The following WNK3 variants were observed in gnomAD, a reference collection of about 807,000 sequenced individuals.
WNK3 encodes serine/threonine-protein kinase WNK3.
In WNK3, 18 loss-of-function variants were observed where a neutral mutation model predicts 116.7. The observed-to-expected ratio is 0.15, with a 90% CI of 0.11 to 0.23. The LOEUF is 0.23. WNK3 is among the 10% of genes least tolerant of loss of function. WNK3 has a pLI of 1.00. For synonymous variants in WNK3, 404 were observed against 469.4 expected, an observed-to-expected ratio of 0.86 and a Z score of 1.80; for missense variants, 993 against 1,323.8, an observed-to-expected ratio of 0.75 and a Z score of 3.88.
chrX:54,358,270 T>C (rs1557179744), upstream of WNK3, among the ~76,000 whole-genome samples: 1 of 110,137 alleles, frequency 9.1e-6, no homozygotes, highest in South Asian at 3.9e-4. Flanking sequence ...AAAGAGAAAA[T>C]CTCTTAGAGG....
intron 10 of WNK3, among the ~76,000 whole-genome samples, chrX:54,273,363 C>T (rs1195416645): frequency 1.8e-5 from 2 of 111,329 alleles, no homozygotes; most frequent in Non-Finnish European, 3.8e-5. Flanking sequence ...GAGGCCGAGG[C>T]GGGTAGATCA....
chrX:54,290,444 G>A (rs782736855), intron 10 of WNK3, among the ~76,000 whole-genome samples: 5 of 111,344 alleles, frequency 4.5e-5, no homozygotes, highest in Admixed American at 9.6e-5. Context: ...GGACTTTCCC[G>A]GACATACTGA....
At chrX:54,237,679 C>T (rs2067978534) in intron 19 of WNK3, 128 bp from the exon 20 acceptor site, 2 of 625,494 alleles carry the variant, frequency 3.2e-6, no homozygotes, top group Non-Finnish European at 4.5e-6. Context: ...CTCTTTCAAT[C>T]AGGCCCCTTG....
intron 5 of WNK3, among the ~76,000 whole-genome samples, chrX:54,302,770 T>TTTTA (rs2068780766): frequency 1.3e-5 from 1 of 78,364 alleles, no homozygotes; most frequent in African/African-American, 4.7e-5. Context: ...TTTTTTTTTT[T>TTTTA]TTTTATTTTT....
At chrX:54,233,461 G>A (rs1219727784) in intron 20 of WNK3, among the ~76,000 whole-genome samples, 1 of 92,337 alleles carries the variant, frequency 1.1e-5, no homozygotes, top group Non-Finnish European at 2.1e-5. Flanking sequence ...AAGAAAGAGA[G>A]AGCGAGAGAG....
chrX:54,210,499 C>T lies in WNK3; in HGVS notation c.4871-8306G>A, dbSNP rs371687907. Among the ~76,000 whole-genome samples the T allele has an allele frequency of 7.2e-5, 8 of 111,164 alleles. No homozygotes were observed. In the East Asian group the frequency reaches 8.5e-4, roughly 12 times the overall value. On this transcript the variant is annotated intron_variant, in intron 22 of 23. Coordinates refer to ENST00000354646, the Ensembl canonical transcript of WNK3. ...AAGATTTGCCAGGCACAGTGGCACA[C>T]GCCTATAGTCCTGGCTACTTGGGAG... is the stretch of plus-strand genomic sequence containing the variant.
At chrX:54,260,106 C>T (rs1557156396) in intron 10 of WNK3, among the ~76,000 whole-genome samples, 1 of 111,662 alleles carries the variant, frequency 9.0e-6, no homozygotes, top group African/African-American at 3.2e-5. Flanking sequence ...CCACGCTAAA[C>T]TGTAGCTCCT....
chrX:54,198,602 G>C, exon 24 of WNK3: 1 of 1,209,145 alleles, frequency 8.3e-7, no homozygotes, highest in South Asian at 1.8e-5. Context: ...CCACGGATTT[G>C]GGACAGAGAA....
intron 23 of WNK3, among the ~76,000 whole-genome samples, chrX:54,199,252 G>T (rs782683620): frequency 4.1e-4 from 45 of 110,458 alleles, no homozygotes; most frequent in Non-Finnish European, 7.0e-4. Context: ...ATGGGAGCCA[G>T]AAACCTAGCC....
chrX:54,270,562 C>T (rs2068370824), intron 10 of WNK3, among the ~76,000 whole-genome samples: 1 of 109,196 alleles, frequency 9.2e-6, no homozygotes, highest in South Asian at 4.0e-4. Context: ...TGCCACCACA[C>T]CTGGCTAATT....
intron 3 of WNK3, among the ~76,000 whole-genome samples, chrX:54,309,673 C>G (rs2068864336): frequency 1.8e-5 from 2 of 111,479 alleles, no homozygotes; most frequent in Admixed American, 1.9e-4. Flanking sequence ...ACTGGGACTA[C>G]AGGCATGCAC....
At chrX:54,295,833 A>G (rs937834377) in intron 7 of WNK3, among the ~76,000 whole-genome samples, 1 of 111,023 alleles carries the variant, frequency 9.0e-6, no homozygotes, top group Admixed American at 9.7e-5. Flanking sequence ...GATCACAGGC[A>G]TGCACCACCA....
chrX:54,324,386 AT>A (rs782263789), intron 2 of WNK3, among the ~76,000 whole-genome samples: 1 of 112,095 alleles, frequency 8.9e-6, no homozygotes, highest in South Asian at 3.7e-4. Flanking sequence ...ACATGTATCA[AT>A]TTTTTAAATC....
chrX:54,238,220 G>A (rs1557150656), intron 19 of WNK3, 122 bp downstream of exon 19: 2 of 863,624 alleles, frequency 2.3e-6, no homozygotes, highest in African/African-American at 2.1e-5. Flanking sequence ...CAACAAGAGT[G>A]AAACTCCATC....
chrX:54,290,689 T>C (rs1232218462), intron 10 of WNK3, among the ~76,000 whole-genome samples: 1 of 111,576 alleles, frequency 9.0e-6, no homozygotes, highest in Non-Finnish European at 1.9e-5. Flanking sequence ...TCTGACATTG[T>C]CACACACCTG....
chrX:54,254,671 T>C (rs1353207240), intron 12 of WNK3, among the ~76,000 whole-genome samples: 1 of 110,762 alleles, frequency 9.0e-6, no homozygotes, highest in Non-Finnish European at 1.9e-5. Context: ...AAAGACAGAC[T>C]GGGAAAAAGA....
chrX:54,349,942 A>G (rs2069491199), intron 1 of WNK3, among the ~76,000 whole-genome samples: 2 of 112,057 alleles, frequency 1.8e-5, no homozygotes, highest in South Asian at 7.4e-4. Flanking sequence ...CTAGTACAGA[A>G]ACAAACACAT....
intron 1 of WNK3, among the ~76,000 whole-genome samples, chrX:54,356,897 T>C (rs149084612): frequency 5.1e-4 from 55 of 107,702 alleles, no homozygotes; most frequent in African/African-American, 1.9e-3. Flanking sequence ...TATATAAATG[T>C]TTCACCACTT....
At chrX:54,219,050 G>A (rs1207449745) in intron 22 of WNK3, among the ~76,000 whole-genome samples, 2 of 111,310 alleles carry the variant, frequency 1.8e-5, no homozygotes, top group Admixed American at 9.6e-5. Flanking sequence ...AGAGAAAAGG[G>A]CAGAAAAAAT....
Sources: allele counts gnomAD v4.1 joint callset (sites outside exome capture counted in the v4.1 genomes callset), GRCh38; gene constraint gnomAD v4.1.1; transcripts MANE v1.5; gene names NCBI Gene and HGNC (gene_info 2026-07-23, HGNC 2026-07-21).